Variants in KCNK9 observed in about 807,000 individuals in gnomAD.
The protein encoded by KCNK9 is potassium two pore domain channel subfamily K member 9, also known as potassium channel subfamily K member 9.
A neutral mutation model predicts 10.8 loss-of-function variants in KCNK9; 1 was observed. The ratio of observed to expected loss-of-function variants is 0.09; its 90% CI spans 0.03 to 0.44. KCNK9 has a LOEUF of 0.44. KCNK9 is among the 20% of genes least tolerant of loss of function. KCNK9 has a pLI of 0.97. For synonymous variants in KCNK9, 231 were observed against 222.7 expected (o/e 1.04, Z -0.33); for missense variants, 303 against 515.0 (o/e 0.59, Z 3.98).
At chr8:139,656,511 G>T (rs1054809233) in intron 1 of KCNK9, among the ~76,000 whole-genome samples, 1 of 152,226 alleles carries the variant, frequency 6.6e-6, no homozygotes, top group African/African-American at 2.4e-5. Flanking sequence ...CCCGCCAGGT[G>T]CAGACAGATG....
chr8:139,626,307 G>A (rs1404604114), intron 1 of KCNK9, among the ~76,000 whole-genome samples: 1 of 152,158 alleles, frequency 6.6e-6, no homozygotes, highest in African/African-American at 2.4e-5. Context: ...AGCTTATTCA[G>A]GGGAGAGGTA....
At chr8:139,622,253 G>C (rs1329495083) in intron 1 of KCNK9, among the ~76,000 whole-genome samples, 1 of 152,206 alleles carries the variant, frequency 6.6e-6, no homozygotes. Flanking sequence ...TGTGGTCCCA[G>C]TGGTCTGGGG....
At chr8:139,602,559 G>A (rs931722676) in intron 2 of KCNK9, among the ~76,000 whole-genome samples, 7 of 152,138 alleles carry the variant, frequency 4.6e-5, no homozygotes, top group African/African-American at 7.2e-5. Flanking sequence ...AACTTAGCAC[G>A]CAATGCCTAC....
At chr8:139,683,292 A>G (rs1412537703) in intron 1 of KCNK9, among the ~76,000 whole-genome samples, 1 of 152,084 alleles carries the variant, frequency 6.6e-6, no homozygotes, top group African/African-American at 2.4e-5. Context: ...CAGAGAGAAG[A>G]GCACCCGCCC....
chr8:139,698,294 G>A (rs1817116481), intron 1 of KCNK9, among the ~76,000 whole-genome samples: 1 of 152,304 alleles, frequency 6.6e-6, no homozygotes, highest in South Asian at 2.1e-4. Flanking sequence ...TCTGCTTGGT[G>A]CTGTATTCTG....
Position 139,662,875 on chromosome 8 carries a change from G to GC in KCNK9, c.283+39834_283+39835insG, listed in dbSNP as rs1341361344. Among the ~76,000 whole-genome samples the GC allele has an allele frequency of 1.2e-4, 6 of 49,252 alleles. No homozygotes were observed. The East Asian group carries it at 0.046, about 379-fold the overall frequency. 32.3% of individuals were successfully genotyped at this position (49,252 alleles called of 152,430 possible). A position where few individuals can be genotyped will look rare whatever the true frequency, so the allele number is the denominator to read the frequency against. ...GGAGGAAGGGGAGGGGTGGGGGAAGGGGGGGGGGCTGGAGGACAGATCTCA... is the reference window on the plus strand; with the variant it reads ...GGAGGAAGGGGAGGGGTGGGGGAAGGCGGGGGGGGCTGGAGGACAGATCTCA... On this transcript the variant is annotated intron_variant, in intron 1 of 1. Coordinates refer to ENST00000520439, the MANE Select transcript of KCNK9 (RefSeq NM_001282534.2).
chr8:139,615,803 A>C (rs539623702), downstream of KCNK9: 1 of 152,134 alleles, frequency 6.6e-6, no homozygotes, highest in Non-Finnish European at 1.5e-5. Flanking sequence ...GGAATAGAGA[A>C]GCTCTGTTAC....
chr8:139,612,712 T>C (rs190087242), downstream of KCNK9: 4 of 152,284 alleles, frequency 2.6e-5, no homozygotes, highest in East Asian at 7.7e-4. Flanking sequence ...GACTTATTTA[T>C]CCACAATGAA....
rs753520581 is a variant in KCNK9 at position 139,702,814 on chromosome 8, C to T, written c.179G>A (p.Arg60Gln). 3.7e-6 allele frequency: 6 copies of T among 1,613,884 alleles called. No homozygotes were observed. Among genetic ancestry groups the T allele is most frequent in the Admixed American group, 3.3e-5 (2 of 60,002 alleles). Residue 60 changes from arginine (R) to glutamine (Q), a missense_variant, in exon 1 of 2, where the codon CGG becomes CAG. Transcript: ENST00000520439. The surrounding 1 kb of genome is among the most constrained non-coding windows in gnomAD (Gnocchi z 7.5). The part of the protein sequence containing the change: ...GKYNISSEDY[R>Q]QLELVILQSE... ...CTGCAGGATCACCAGCTCCAGCTGCCGGTAGTCCTCGCTGCTGATGTTGTA... is the reference window on the plus strand; with the variant it reads ...CTGCAGGATCACCAGCTCCAGCTGCTGGTAGTCCTCGCTGCTGATGTTGTA...
At chr8:139,648,275 G>A (rs1263221040) in intron 1 of KCNK9, among the ~76,000 whole-genome samples, 3 of 152,168 alleles carry the variant, frequency 2.0e-5, no homozygotes, top group African/African-American at 4.8e-5. Flanking sequence ...GAGAGAATGG[G>A]AGTGAGTGCT....
At chr8:139,666,463 T>G (rs1816303407) in intron 1 of KCNK9, among the ~76,000 whole-genome samples, 1 of 152,214 alleles carries the variant, frequency 6.6e-6, no homozygotes. Context: ...TCTAAAGTGC[T>G]CAGAACACTG....
At chr8:139,646,310 G>A (rs1428621545) in intron 1 of KCNK9, among the ~76,000 whole-genome samples, 5 of 152,200 alleles carry the variant, frequency 3.3e-5, no homozygotes, top group Non-Finnish European at 5.9e-5. Context: ...CACCAACAAC[G>A]GACACATTGC....
rs1409584358 is a variant in KCNK9, at chr8:139,625,804, T to C, written c.284-6705A>G. On this transcript the variant is annotated intron_variant, in intron 1 of 1. Coordinates refer to ENST00000520439, the MANE Select transcript of KCNK9 (RefSeq NM_001282534.2). ...AGGACAAGGAAAATAAAACTAATCA[T>C]TTCTATTGGGTCTGGAGCTCCCCGA... Among the ~76,000 whole-genome samples, 2 of 151,510 alleles carry C rather than the reference T, an allele frequency of 1.3e-5. 1 individual carries two copies. The highest frequency in any genetic ancestry group is 2.9e-5 in the Non-Finnish European group (2 of 67,954).
At chr8:139,649,394 G>C (rs1815786904) in intron 1 of KCNK9, among the ~76,000 whole-genome samples, 1 of 152,194 alleles carries the variant, frequency 6.6e-6, no homozygotes, top group Non-Finnish European at 1.5e-5. Flanking sequence ...GACACTGAGG[G>C]TGTAGAATGA....
At chr8:139,630,430 C>T (rs1416581319) in intron 1 of KCNK9, among the ~76,000 whole-genome samples, 2 of 152,126 alleles carry the variant, frequency 1.3e-5, no homozygotes, top group East Asian at 1.9e-4. Flanking sequence ...GCCTCTCTCC[C>T]GGAGGATGCA....
At chr8:139,685,877 G>A (rs1816777637) in intron 1 of KCNK9, among the ~76,000 whole-genome samples, 1 of 152,124 alleles carries the variant, frequency 6.6e-6, no homozygotes, top group South Asian at 2.1e-4. Flanking sequence ...TACAATGGTT[G>A]AACTAATTTA....
At chr8:139,692,808 C>T (rs1563753992) in intron 1 of KCNK9, among the ~76,000 whole-genome samples, 3 of 152,186 alleles carry the variant, frequency 2.0e-5, no homozygotes, top group Admixed American at 6.5e-5. Flanking sequence ...TGCCCTGGCA[C>T]CCATGAGTGG....
intron 1 of KCNK9, among the ~76,000 whole-genome samples, chr8:139,621,363 A>G (rs1814774557): frequency 6.6e-6 from 1 of 152,122 alleles, no homozygotes; most frequent in Non-Finnish European, 1.5e-5. Flanking sequence ...AGTGAACCCC[A>G]GGCAGGACAA....
intron 1 of KCNK9, among the ~76,000 whole-genome samples, chr8:139,686,473 C>T (rs534700006): frequency 5.3e-5 from 8 of 152,258 alleles, no homozygotes; most frequent in South Asian, 2.1e-4. Context: ...AGACACTTCT[C>T]GAAAGAAGAC....
Sources: gnomAD v4.1 joint callset for allele counts (sites outside exome capture counted in the v4.1 genomes callset) on GRCh38, gnomAD v4.1.1 for gene constraint, Gnocchi (gnomAD v3.1) non-coding constraint, MANE v1.5 for transcripts, NCBI Gene and HGNC (gene_info 2026-07-23, HGNC 2026-07-21) for gene names.